TGFBRAP1: variants seen among roughly 807,000 people sequenced by gnomAD.
TGFBRAP1 encodes transforming growth factor beta receptor associated protein 1.
A neutral mutation model predicts 83.2 loss-of-function variants in TGFBRAP1; 20 were observed. The ratio of observed to expected loss-of-function variants is 0.24; its 90% CI spans 0.17 to 0.35. The LOEUF (loss-of-function observed/expected upper bound fraction) is 0.35, where lower values mean the gene tolerates loss of function less well. Among genes scored for constraint, TGFBRAP1 ranks in the 10% least tolerant of loss-of-function variants. The pLI is 1.00. For synonymous variants in TGFBRAP1, 415 were observed against 459.8 expected (o/e 0.90, Z 1.25); for missense variants, 950 against 1,099.4 (o/e 0.86, Z 1.92).
At chr2:105,256,938 C>T in the TGFBRAP1 span, among the ~76,000 whole-genome samples, 5 of 152,210 alleles carry the variant, frequency 3.3e-5, no homozygotes, top group South Asian at 4.1e-4. Context: ...GCTACACCCC[C>T]GCCAGTGCCA....
chr2:105,303,674 C>T lies in TGFBRAP1; in HGVS notation c.688+3940G>A, dbSNP rs376781529. Among the ~76,000 whole-genome samples, 350 of 152,294 alleles carry T rather than the reference C, an allele frequency of 2.3e-3. 3 individuals are homozygous for T. The highest frequency in any genetic ancestry group is 7.8e-3 in the African/African-American group (325 of 41,550). ...TGATCTGGGCAGTAACTGTCAACAG[C>T]TGCTAACATTACAGAGCGATGAAGG... On this transcript the variant is annotated intron_variant, in intron 2 of 11. Coordinates refer to ENST00000393359, the MANE Select transcript of TGFBRAP1 (RefSeq NM_004257.6).
intron 4 of TGFBRAP1, among the ~76,000 whole-genome samples, chr2:105,295,106 C>T (rs1678039218): frequency 6.6e-6 from 1 of 152,194 alleles, no homozygotes; most frequent in South Asian, 2.1e-4. Context: ...GTAGATCAGT[C>T]TTACTCAAAA....
At position 105,312,243 on chromosome 2, in the gene TGFBRAP1, C is replaced by T. The variant is rs550167161; in HGVS notation, c.-17-3925G>A. On this transcript the variant is annotated intron_variant, in intron 1 of 11. Transcript: ENST00000393359. Reference sequence around the variant, plus strand: ...TTGAGAGGCCCAGGCAGGAAGATCACTTGTGCCCAAGAGTTCAAGACCAGC... The same window carrying T: ...TTGAGAGGCCCAGGCAGGAAGATCATTTGTGCCCAAGAGTTCAAGACCAGC... 2.6e-5 allele frequency among the ~76,000 whole-genome samples: 4 copies of T among 152,238 alleles called. No individual in the cohort carries two copies. The East Asian group carries it at 7.7e-4, about 29-fold the overall frequency.
chr2:105,264,064 T>C (rs1333770513), downstream of TGFBRAP1, among the ~76,000 whole-genome samples: 1 of 152,156 alleles, frequency 6.6e-6, no homozygotes, highest in Admixed American at 6.5e-5. Context: ...ATTTAAAAGG[T>C]ACGATTTTGT....
At chr2:105,298,852 A>G in intron 2 of TGFBRAP1, 147 bp from the exon 3 acceptor site, 1 of 672,042 alleles carries the variant, frequency 1.5e-6, no homozygotes, top group Non-Finnish European at 2.3e-6. Flanking sequence ...ACAATATAAT[A>G]TGCTGTATGT....
Position 105,298,688 on chromosome 2 carries a change from C to T in TGFBRAP1, c.706G>A (p.Ala236Thr), listed in dbSNP as rs372399291. 6.3e-6 allele frequency: 10 copies of T among 1,578,496 alleles called. No individual in the cohort carries two copies. The highest frequency in any genetic ancestry group is 1.4e-5 in the African/African-American group (1 of 73,726). Residue 236 changes from alanine to threonine, a missense_variant, in exon 3 of 12, where the codon GCA becomes ACA. Ala to Thr is a moderately conservative substitution (Grantham distance 58). Coordinates refer to ENST00000393359, the MANE Select transcript of TGFBRAP1 (RefSeq NM_004257.6). ...ACGGGGGCGCGCTGGGATATCCCTGCGACTGTGGCAAACATGCCTAGAAGT... is the reference window on the plus strand; with the variant it reads ...ACGGGGGCGCGCTGGGATATCCCTGTGACTGTGGCAAACATGCCTAGAAGT... ...PGGLGMFATVAGISQRAPVHW... is the reference protein window; with the variant it reads ...PGGLGMFATVTGISQRAPVHW...
At chr2:105,307,445 G>A (rs1442775630) in intron 2 of TGFBRAP1, among the ~76,000 whole-genome samples, 169 bp downstream of exon 2, 2 of 152,142 alleles carry the variant, frequency 1.3e-5, no homozygotes, top group African/African-American at 2.4e-5. Context: ...CAGAACAATC[G>A]AACTGGATTT....
Position 105,269,759 on chromosome 2 carries a change from C to A in TGFBRAP1, c.1973-54G>T. 1 of 1,441,906 alleles carries A rather than the reference C, an allele frequency of 6.9e-7. No homozygotes were observed. Among genetic ancestry groups the A allele is most frequent in the East Asian group, 2.4e-5 (1 of 41,104 alleles). 89.3% of individuals were successfully genotyped at this position (1,441,906 alleles called of 1,614,324 possible). ...GAAAGGGGCTCGCCGGCCACCCGCC[C>A]AGCGACTGGCCTCCTTGCTGCTCTG... is the stretch of plus-strand genomic sequence containing the variant. On this transcript the variant is annotated intron_variant, in intron 10 of 11. Coordinates refer to ENST00000393359, the MANE Select transcript of TGFBRAP1 (RefSeq NM_004257.6). This position sits in a 1 kb window ranked among gnomAD's most constrained non-coding sequence, Gnocchi z 4.1.
At chr2:105,253,135 T>G in the TGFBRAP1 span, among the ~76,000 whole-genome samples, 1 of 151,938 alleles carries the variant, frequency 6.6e-6, no homozygotes, top group Admixed American at 6.6e-5. Flanking sequence ...CTTAGTTTTT[T>G]GTTTGCTTGT....
intron 2 of TGFBRAP1, among the ~76,000 whole-genome samples, chr2:105,302,450 G>A (rs1348512532): frequency 6.6e-6 from 1 of 152,012 alleles, no homozygotes; most frequent in Non-Finnish European, 1.5e-5. Flanking sequence ...AACGCATTAT[G>A]GTACCTCCAC....
chr2:105,283,625 G>C (rs182020870), intron 5 of TGFBRAP1, among the ~76,000 whole-genome samples: 1 of 152,324 alleles, frequency 6.6e-6, no homozygotes, highest in East Asian at 1.9e-4. Context: ...GCTGAGCAAG[G>C]CCTGGGATGG....
At chr2:105,298,043 A>G (rs1056024068) in intron 3 of TGFBRAP1, among the ~76,000 whole-genome samples, 1 of 152,152 alleles carries the variant, frequency 6.6e-6, no homozygotes, top group Non-Finnish European at 1.5e-5. Context: ...CTGCAGCCTC[A>G]GCTCACGCTG....
intron 11 of TGFBRAP1, among the ~76,000 whole-genome samples, chr2:105,268,809 T>C (rs1383324392): frequency 6.6e-6 from 1 of 152,254 alleles, no homozygotes; most frequent in Non-Finnish European, 1.5e-5. Flanking sequence ...GGTTCTCAAC[T>C]GGCCTGGGAG....
chr2:105,260,723 TAAA>T (rs58745395), downstream of TGFBRAP1, among the ~76,000 whole-genome samples: 1 of 151,372 alleles, frequency 6.6e-6, no homozygotes, highest in African/African-American at 2.4e-5. Context: ...ACTACACACT[TAAA>T]AATTGTTAGA....
Position 105,264,507 on chromosome 2 carries a change from T to C in TGFBRAP1, c.*2876A>G, listed in dbSNP as rs921834599. 2.0e-5 allele frequency: 3 copies of C among 152,268 alleles called. No homozygotes were observed. Among genetic ancestry groups the C allele is most frequent in the African/African-American group, 4.8e-5 (2 of 41,476 alleles). The allele number at this position is 152,268 out of a possible 1,614,324, so 9.4% of individuals were successfully genotyped here. A position where few individuals can be genotyped will look rare whatever the true frequency, so the allele number is the denominator to read the frequency against. On this transcript the variant is annotated 3_prime_UTR_variant, in exon 12 of 12. Coordinates refer to ENST00000393359, the MANE Select transcript of TGFBRAP1 (RefSeq NM_004257.6). Reference sequence around the variant, plus strand: ...TGAGCAAGTTTACATTTGTACATTTTGTGTATCTGGGACCCAATCGGGACA... The same window carrying C: ...TGAGCAAGTTTACATTTGTACATTTCGTGTATCTGGGACCCAATCGGGACA...
At chr2:105,305,450 T>C (rs1678463182) in intron 2 of TGFBRAP1, among the ~76,000 whole-genome samples, 2 of 152,116 alleles carry the variant, frequency 1.3e-5, no homozygotes, top group South Asian at 4.1e-4. Context: ...GAGACATCAC[T>C]AAGGTTAAAG....
intron 4 of TGFBRAP1, among the ~76,000 whole-genome samples, chr2:105,294,959 A>G (rs1416355510): frequency 6.6e-6 from 1 of 151,700 alleles, no homozygotes; most frequent in Non-Finnish European, 1.5e-5. Context: ...GCAGGAGAGG[A>G]GAAGGGGCTG....
chr2:105,268,958 T>G (rs943191293), intron 11 of TGFBRAP1, among the ~76,000 whole-genome samples: 1 of 152,232 alleles, frequency 6.6e-6, no homozygotes, highest in African/African-American at 2.4e-5. Context: ...GTAAAATGCC[T>G]AGGTCAGTGC....
chr2:105,262,892 C>T (rs537465059), downstream of TGFBRAP1, among the ~76,000 whole-genome samples: 159 of 152,312 alleles, frequency 1.0e-3, no homozygotes, highest in Non-Finnish European at 6.9e-4. Flanking sequence ...AGCCAGTTAG[C>T]TGTTTTGAGA....
Sources: allele counts gnomAD v4.1 joint callset (sites outside exome capture counted in the v4.1 genomes callset), GRCh38; gene constraint gnomAD v4.1.1; non-coding constraint Gnocchi (gnomAD v3.1); transcripts MANE v1.5; gene names NCBI Gene and HGNC (gene_info 2026-07-23, HGNC 2026-07-21).